Variants in RNF40 observed in about 807,000 individuals in gnomAD.
The protein encoded by RNF40 is ring finger protein 40.
Under a neutral mutation model 123.3 loss-of-function variants are expected in RNF40, and 39 were observed. The observed-to-expected ratio is 0.32, with a 90% CI of 0.24 to 0.41. The LOEUF is 0.41. RNF40 is among the 10% of genes least tolerant of loss of function. The pLI is 1.00. For missense variants in RNF40, 1,003 were observed against 1,319.9 expected (o/e 0.76, Z 3.72); for synonymous variants, 538 against 526.0 (o/e 1.02, Z -0.31).
rs752718234 is a variant in RNF40, at chr16:30,774,018, G to T, written c.2910G>T (p.Glu970Asp). Residue 970 changes from glutamate to aspartate, a missense_variant, in exon 20 of 20, where the codon GAG (glutamate) becomes GAT (aspartate). Glu to Asp is a conservative substitution (Grantham distance 45). Transcript: ENST00000324685. ...LTKCFHVFCF[E>D]CVRGRYEARQ... ...AGTGCTTCCACGTTTTCTGCTTCGAGTGCGTGCGGGGCCGCTATGAGGCCC... is the reference window on the plus strand; with the variant it reads ...AGTGCTTCCACGTTTTCTGCTTCGATTGCGTGCGGGGCCGCTATGAGGCCC... The T allele has an allele frequency of 9.3e-6, 15 of 1,614,116 alleles. No individual in the cohort carries two copies. The highest frequency in any genetic ancestry group is 1.3e-5 in the Non-Finnish European group (15 of 1,179,934).
rs1326577622 is a variant in RNF40, at chr16:30,772,189, A to G, written c.2828A>G (p.Lys943Arg). Residue 943 changes from lysine to arginine, a missense_variant and splice_region_variant, in exon 19 of 20, where the codon AAG becomes AGG. Around this residue, in one of 11 missense-constraint regions of RNF40, gnomAD observed 76 missense variants for 134.1 expected, o/e 0.57. Coordinates refer to ENST00000324685, the MANE Select transcript of RNF40 (RefSeq NM_014771.4). ...EILQEEIKEY[K>R]ARLTCPCCNT... ...CTCCAGGAGGAGATCAAGGAGTACA[A>G]GGTGGGGCTGTGGGCCAAGTTGTGC... is the stretch of plus-strand genomic sequence containing the variant. 8 of 1,551,534 alleles carry G rather than the reference A, an allele frequency of 5.2e-6. No individual in the cohort carries two copies.
rs370463722 is a variant in RNF40 at position 30,764,347 on chromosome 16, G to A, written c.611G>A (p.Arg204His). 1.2e-5 allele frequency: 19 copies of A among 1,613,604 alleles called. No individual in the cohort carries two copies. The highest frequency in any genetic ancestry group is 8.3e-5 in the Admixed American group (5 of 59,996). ...GTAGAGGCCTCAGACCGCCTACAGC[G>A]CCGGGTGGAGGAACTCTGTCAGCGA... ...RVVEASDRLQ[R>H]RVEELCQRVY... The change falls in exon 5 of 20, where the codon CGC (arginine) becomes CAC (histidine). Residue 204 changes from arginine to histidine, a missense_variant. Around this residue, in one of 11 missense-constraint regions of RNF40, gnomAD observed 274 missense variants for 356.9 expected, o/e 0.77. Coordinates refer to ENST00000324685, the MANE Select transcript of RNF40 (RefSeq NM_014771.4).
Position 30,769,398 on chromosome 16 carries a change from G to A in RNF40, c.2460G>A (p.Gln820=). 6.2e-7 allele frequency: 1 copy of A among 1,614,238 alleles called. No homozygotes were observed. The highest frequency in any genetic ancestry group is 8.5e-7 in the Non-Finnish European group (1 of 1,180,048). Residue 820 remains glutamine, a splice_region_variant and synonymous_variant, in exon 16 of 20, where the codon CAG becomes CAA. Coordinates refer to ENST00000324685, the MANE Select transcript of RNF40 (RefSeq NM_014771.4). ...AGCAGGTCCTTGGCCTCAAGTCCCAGGTATGGCCGCCGCCAGCTTGCAGAC... is the reference window on the plus strand; with the variant it reads ...AGCAGGTCCTTGGCCTCAAGTCCCAAGTATGGCCGCCGCCAGCTTGCAGAC... ...LGEQVLGLKS[Q]VDAQLLTVQK... is the part of the protein sequence containing the mutation.
At position 30,766,172 on chromosome 16, in the gene RNF40, C is replaced by T. The variant is rs762559635; in HGVS notation, c.1003C>T (p.Leu335=). The T allele has an allele frequency of 6.2e-7, 1 of 1,614,078 alleles. No individual in the cohort carries two copies. Among genetic ancestry groups the T allele is most frequent in the East Asian group, 2.2e-5 (1 of 44,886 alleles). Residue 335 remains leucine, a synonymous_variant, in exon 9 of 20, where the codon CTG becomes TTG. Transcript: ENST00000324685. This position sits in a 1 kb window ranked among gnomAD's most constrained non-coding sequence, Gnocchi z 5.4. ...GCCTCCCACTCCTTAGTTTGAGATG[C>T]TGAATGCAGAGTTAGAGGAAAACCA... ...ITLSMQKFEM[L]NAELEENQEL... is the part of the protein sequence containing the mutation.
At position 30,773,963 on chromosome 16, in the gene RNF40, A is replaced by AC; in HGVS notation, c.2856dup (p.Thr953HisfsTer25). On this transcript the variant is annotated frameshift_variant, in exon 20 of 20. Coordinates refer to ENST00000324685, the MANE Select transcript of RNF40 (RefSeq NM_014771.4). LOFTEE classifies it high-confidence loss of function. ...GCGCGGTTGACCTGCCCCTGCTGTAACACCCGCAAGAAGGATGCAGTCCTT... is the reference window on the plus strand; with the variant it reads ...GCGCGGTTGACCTGCCCCTGCTGTAACCACCCGCAAGAAGGATGCAGTCCTT... 1 of 1,613,160 alleles carries AC rather than the reference A, an allele frequency of 6.2e-7. No individual in the cohort carries two copies. Among genetic ancestry groups the AC allele is most frequent in the Non-Finnish European group, 8.5e-7 (1 of 1,179,196 alleles).
chr16:30,769,341 G>A lies in RNF40; in HGVS notation c.2403G>A (p.Lys801=), dbSNP rs1410116291. The change falls in exon 16 of 20, where the codon AAG becomes AAA. Residue 801 remains lysine, a synonymous_variant. Coordinates refer to ENST00000324685, the MANE Select transcript of RNF40 (RefSeq NM_014771.4). ...SERIKANQIH[K]LLREEKDELG... The stretch of plus-strand genomic sequence containing the variant: ...GGATCAAGGCCAACCAGATTCACAA[G>A]CTGCTGCGGGAGGAGAAGGATGAGT... 11 of 1,614,110 alleles carry A rather than the reference G, an allele frequency of 6.8e-6. No individual in the cohort carries two copies. The highest frequency in any genetic ancestry group is 1.3e-5 in the African/African-American group (1 of 74,928).
In RNF40 at chr16:30,775,377, A is replaced by G; in HGVS notation, c.*1263A>G. 1 of 221,210 alleles carries G rather than the reference A, an allele frequency of 4.5e-6. No homozygotes were observed. Among genetic ancestry groups the G allele is most frequent in the Non-Finnish European group, 9.2e-6 (1 of 108,996 alleles). 13.7% of individuals were successfully genotyped at this position (221,210 alleles called of 1,614,324 possible). A position where few individuals can be genotyped will look rare whatever the true frequency, so the allele number is the denominator to read the frequency against. On this transcript the variant is annotated 3_prime_UTR_variant, in exon 20 of 20. Transcript: ENST00000324685. ...GGAGCCGCCTGTCCTGCTCCCACCG[A>G]CCCCGGTCTGACCACGTCCTTGGCT...
At chr16:30,770,506 A>T (rs2054129447) in intron 17 of RNF40, among the ~76,000 whole-genome samples, 1 of 152,190 alleles carries the variant, frequency 6.6e-6, no homozygotes, top group African/African-American at 2.4e-5. Flanking sequence ...ATTTGGGTCC[A>T]AGCCTCCTTG....
At position 30,773,798 on chromosome 16, in the gene RNF40, C is replaced by T. The variant is rs1596765821; in HGVS notation, c.2830-140C>T. 3.6e-6 allele frequency: 3 copies of T among 828,938 alleles called. No individual in the cohort carries two copies. The East Asian group carries it at 7.5e-5, about 21-fold the overall frequency. The allele number at this position is 828,938 out of a possible 1,614,324, so 51.3% of individuals were successfully genotyped here. Reference sequence around the variant, plus strand: ...CCTCAGTTTGCTCATTCATAGAGTGCTCGTCCTTACCTCCAGGGTTATGGG... The same window carrying T: ...CCTCAGTTTGCTCATTCATAGAGTGTTCGTCCTTACCTCCAGGGTTATGGG... On this transcript the variant is annotated intron_variant, in intron 19 of 19. Transcript: ENST00000324685.
rs776690308 is a variant in RNF40 at position 30,774,581 on chromosome 16, C to G, written c.*467C>G. 2.7e-5 allele frequency: 6 copies of G among 223,630 alleles called. No homozygotes were observed. The highest frequency in any genetic ancestry group is 6.2e-5 in the South Asian group (1 of 16,240). The allele number at this position is 223,630 out of a possible 1,614,324, so 13.9% of individuals were successfully genotyped here. A position where few individuals can be genotyped will look rare whatever the true frequency, so the allele number is the denominator to read the frequency against. Reference sequence around the variant, plus strand: ...GGGCTGCAGGCCCCAGGAAGACTTTCCTTCACCCACCATCCCCCTAACCTC... The same window carrying G: ...GGGCTGCAGGCCCCAGGAAGACTTTGCTTCACCCACCATCCCCCTAACCTC... On this transcript the variant is annotated 3_prime_UTR_variant, in exon 20 of 20. Transcript: ENST00000324685.
In RNF40 at chr16:30,769,333, A is replaced by AT; in HGVS notation, c.2397dup (p.His800SerfsTer10). 6.2e-7 allele frequency: 1 copy of AT among 1,614,196 alleles called. No homozygotes were observed. The highest frequency in any genetic ancestry group is 8.5e-7 in the Non-Finnish European group (1 of 1,180,030). On this transcript the variant is annotated frameshift_variant, in exon 16 of 20. Transcript: ENST00000324685. LOFTEE classifies it high-confidence loss of function. ...GTCAGAGCGGATCAAGGCCAACCAGATTCACAAGCTGCTGCGGGAGGAGAA... is the reference window on the plus strand; with the variant it reads ...GTCAGAGCGGATCAAGGCCAACCAGATTTCACAAGCTGCTGCGGGAGGAGAA...
At chr16:30,773,126 G>C (rs1376218581) in intron 19 of RNF40, among the ~76,000 whole-genome samples, 1 of 152,186 alleles carries the variant, frequency 6.6e-6, no homozygotes, top group Non-Finnish European at 1.5e-5. Flanking sequence ...GGCTGGGAAG[G>C]TGCTCAAGGC....
intron 17 of RNF40, among the ~76,000 whole-genome samples, chr16:30,770,352 C>T (rs1280232983): frequency 6.6e-6 from 1 of 151,806 alleles, no homozygotes; most frequent in Non-Finnish European, 1.5e-5. Flanking sequence ...CCTTGTGATC[C>T]ACCCACATTG....
At chr16:30,763,084 A>G in intron 2 of RNF40, 34 bp from the exon 3 acceptor site, 1 of 1,611,290 alleles carries the variant, frequency 6.2e-7, no homozygotes, top group Non-Finnish European at 8.5e-7. Context: ...GCCCTGCTTG[A>G]CGCTCTCGTC....
rs2054034552 is a variant in RNF40, at chr16:30,766,512, T to C, written c.1247T>C (p.Leu416Pro). The C allele has an allele frequency of 6.2e-7, 1 of 1,613,086 alleles. No individual in the cohort carries two copies. Among genetic ancestry groups the C allele is most frequent in the Admixed American group, 1.7e-5 (1 of 59,942 alleles). The change falls in exon 10 of 20, where the codon CTG (leucine) becomes CCG (proline). Residue 416 changes from leucine (L) to proline (P), a missense_variant. By Grantham distance (98) the Leu-to-Pro change is moderately conservative. This residue lies in a region of RNF40 where 274 missense variants were observed against 356.9 expected (regional missense o/e 0.77). Transcript: ENST00000324685. This position sits in a 1 kb window ranked among gnomAD's most constrained non-coding sequence, Gnocchi z 5.4. Reference protein sequence around the residue: ...KTQLDEARGLLLATKNSHLRH... With the variant: ...KTQLDEARGLPLATKNSHLRH... ...CAGCTAGACGAGGCTCGGGGCCTGC[T>C]GCTGGCCACAAAGAACTCCCACCTG...
At chr16:30,762,995 G>T (rs976209481) in intron 2 of RNF40, 123 bp from the exon 3 acceptor site, 15 of 1,080,916 alleles carry the variant, frequency 1.4e-5, no homozygotes, top group Non-Finnish European at 2.0e-5. Context: ...TTCTGTTAGC[G>T]GTTAGTGTGG....
Position 30,768,798 on chromosome 16 carries a change from G to A in RNF40, c.2098-40G>A, listed in dbSNP as rs768687004. On this transcript the variant is annotated intron_variant, in intron 14 of 19. Coordinates refer to ENST00000324685, the MANE Select transcript of RNF40 (RefSeq NM_014771.4). The surrounding 1 kb of genome is among the most constrained non-coding windows in gnomAD (Gnocchi z 4.1). Reference sequence around the variant, plus strand: ...GCAGAGCAGAGTCCTAGCTCAGCAGGAAGCAGTGTCAAGAGAGTTTCTTCT... The same window carrying A: ...GCAGAGCAGAGTCCTAGCTCAGCAGAAAGCAGTGTCAAGAGAGTTTCTTCT... 2.5e-6 allele frequency: 4 copies of A among 1,614,142 alleles called. No homozygotes were observed. The Admixed American group carries it at 5.0e-5, about 20-fold the overall frequency.
chr16:30,769,182 G>A lies in RNF40; in HGVS notation c.2248-4G>A. The A allele has an allele frequency of 6.2e-7, 1 of 1,614,074 alleles. No individual in the cohort carries two copies. The highest frequency in any genetic ancestry group is 1.6e-4 in the Middle Eastern group (1 of 6,062). ...TCCATCTTGTCTCTGCCCACTTGCT[G>A]CAGGAGGAGGAGGCTCTGCTCTCAG... On this transcript the variant is annotated splice_region_variant and splice_polypyrimidine_tract_variant and intron_variant, in intron 15 of 19. Coordinates refer to ENST00000324685, the MANE Select transcript of RNF40 (RefSeq NM_014771.4).
Position 30,766,240 on chromosome 16 carries a change from G to A in RNF40, c.1071G>A (p.Gln357=). 6.2e-7 allele frequency: 1 copy of A among 1,614,190 alleles called. No individual in the cohort carries two copies. The highest frequency in any genetic ancestry group is 8.5e-7 in the Non-Finnish European group (1 of 1,180,040). The change falls in exon 9 of 20, where the codon CAG becomes CAA. Residue 357 remains glutamine, a synonymous_variant. Transcript: ENST00000324685. This position sits in a 1 kb window ranked among gnomAD's most constrained non-coding sequence, Gnocchi z 5.4. ...NSRMAELEKL[Q]AELQGAVRTN... is the part of the protein sequence containing the mutation. ...GTATGGCAGAGCTGGAGAAACTGCA[G>A]GCCGAACTTCAGGGGGCTGTGCGGA...
Sources: gnomAD v4.1 joint callset for allele counts (sites outside exome capture counted in the v4.1 genomes callset) on GRCh38, gnomAD v4.1.1 for gene constraint, gnomAD v4.1.1 regional missense constraint, Gnocchi (gnomAD v3.1) non-coding constraint, MANE v1.5 for transcripts, NCBI Gene and HGNC (gene_info 2026-07-23, HGNC 2026-07-21) for gene names.